The following AGMO variants were observed in gnomAD, a reference collection of about 807,000 sequenced individuals.
The protein encoded by AGMO is alkylglycerol monooxygenase, also known as glyceryl-ether monooxygenase.
In AGMO, 75 loss-of-function variants were observed where a neutral mutation model predicts 60.2. The ratio of observed to expected loss-of-function variants is 1.25; its 90% CI spans 1.03 to 1.51. The LOEUF (loss-of-function observed/expected upper bound fraction) is 1.51. Among genes scored for constraint, AGMO ranks in the 40% most tolerant of loss-of-function variants. The pLI is 0.00. For missense variants in AGMO, 763 were observed against 525.5 expected (o/e 1.45, Z -4.42); for synonymous variants, 261 against 177.1 (o/e 1.47, Z -3.76).
At chr7:15,241,317 G>A (rs539696975) in intron 12 of AGMO, among the ~76,000 whole-genome samples, 2,597 of 151,144 alleles carry the variant, frequency 0.017, 84 homozygotes, top group African/African-American at 0.06. Context: ...AAAATTAGCC[G>A]GGCGTGGTGG....
chr7:15,534,689 G>A (rs894071264), intron 3 of AGMO, among the ~76,000 whole-genome samples: 17 of 151,510 alleles, frequency 1.1e-4, no homozygotes, highest in Admixed American at 3.3e-4. Context: ...CCTAGCTTTG[G>A]ATTATGTTAT....
intron 3 of AGMO, among the ~76,000 whole-genome samples, chr7:15,462,936 CA>C (rs1562519953): frequency 1.3e-5 from 2 of 152,138 alleles, no homozygotes; most frequent in African/African-American, 2.4e-5. Flanking sequence ...ATAAGCTACA[CA>C]ACGTCAGGTT....
At chr7:15,279,037 A>G (rs1011025506) in intron 12 of AGMO, among the ~76,000 whole-genome samples, 5 of 152,134 alleles carry the variant, frequency 3.3e-5, no homozygotes, top group African/African-American at 9.7e-5. Flanking sequence ...GAGAAGTGGC[A>G]GCTGGTGCTA....
intron 3 of AGMO, among the ~76,000 whole-genome samples, chr7:15,475,357 A>G (rs1373055144): frequency 6.6e-6 from 1 of 152,146 alleles, no homozygotes; most frequent in East Asian, 1.9e-4. Flanking sequence ...AATACTATGT[A>G]GCCACAAAAA....
At chr7:15,427,198 T>A (rs1179669206) in intron 4 of AGMO, among the ~76,000 whole-genome samples, 1 of 152,240 alleles carries the variant, frequency 6.6e-6, no homozygotes, top group Non-Finnish European at 1.5e-5. Flanking sequence ...CTCATTCTAA[T>A]ATTTTTTCTA....
chr7:15,249,809 C>T (rs1024289618), intron 12 of AGMO, among the ~76,000 whole-genome samples: 1 of 152,282 alleles, frequency 6.6e-6, no homozygotes, highest in Non-Finnish European at 1.5e-5. Context: ...TCTCAAAATA[C>T]TTTCCCCAGA....
intron 6 of AGMO, among the ~76,000 whole-genome samples, chr7:15,393,804 TAA>T (rs1784250045): frequency 6.6e-6 from 1 of 152,172 alleles, no homozygotes. Flanking sequence ...CAGAATCCTT[TAA>T]AACATAAAAT....
intron 4 of AGMO, among the ~76,000 whole-genome samples, chr7:15,424,259 T>G (rs1780999808): frequency 6.6e-6 from 1 of 152,180 alleles, no homozygotes. Flanking sequence ...CAAGCTCACT[T>G]CTTACTTATC....
intron 3 of AGMO, among the ~76,000 whole-genome samples, chr7:15,521,130 C>A (rs1377369779): frequency 3.3e-5 from 5 of 152,130 alleles, no homozygotes; most frequent in African/African-American, 4.8e-5. Context: ...CATACACCCT[C>A]CCAAGACTAA....
intron 3 of AGMO, among the ~76,000 whole-genome samples, chr7:15,494,944 A>T (rs926452900): frequency 6.6e-6 from 1 of 152,228 alleles, no homozygotes; most frequent in South Asian, 2.1e-4. Flanking sequence ...AAGAAGAAAG[A>T]CATTTTTACA....
chr7:15,524,904 G>C (rs980325697), intron 3 of AGMO, among the ~76,000 whole-genome samples: 8 of 150,404 alleles, frequency 5.3e-5, no homozygotes, highest in African/African-American at 1.9e-4. Context: ...GTATGTCTTT[G>C]TTTATTTCAC....
chr7:15,171,485 C>A, the AGMO span, among the ~76,000 whole-genome samples: 1 of 152,108 alleles, frequency 6.6e-6, no homozygotes, highest in African/African-American at 2.4e-5. Context: ...TGTGTTTGGT[C>A]TAGATTTGGG....
the AGMO span, among the ~76,000 whole-genome samples, chr7:15,125,368 G>A: frequency 6.6e-6 from 1 of 152,114 alleles, no homozygotes; most frequent in African/African-American, 2.4e-5. Context: ...GTGGCTAGAA[G>A]TGCAGTGGAG....
At chr7:15,138,897 A>C in the AGMO span, among the ~76,000 whole-genome samples, 1 of 152,190 alleles carries the variant, frequency 6.6e-6, no homozygotes, top group African/African-American at 2.4e-5. Flanking sequence ...GTAGTGTTTG[A>C]CACATCATAA....
chr7:15,305,052 T>C (rs1252565770), intron 12 of AGMO, among the ~76,000 whole-genome samples: 3 of 151,926 alleles, frequency 2.0e-5, no homozygotes, highest in Non-Finnish European at 2.9e-5. Context: ...TATATAGTTA[T>C]ATTTGAAATA....
chr7:15,162,518 AC>A, the AGMO span, among the ~76,000 whole-genome samples: 1 of 151,868 alleles, frequency 6.6e-6, no homozygotes, highest in African/African-American at 2.4e-5. Flanking sequence ...CATGGTGGAA[AC>A]CCAGCTCTAC....
intron 12 of AGMO, among the ~76,000 whole-genome samples, chr7:15,208,407 T>C (rs1781493529): frequency 6.6e-6 from 1 of 152,224 alleles, no homozygotes; most frequent in South Asian, 2.1e-4. Flanking sequence ...GTGCTCACCA[T>C]GGAACCTCAT....
rs551719688 is a variant in AGMO, at chr7:15,523,815, C to T, written c.409+20957G>A. Among the ~76,000 whole-genome samples the T allele has an allele frequency of 4.0e-5, 6 of 151,846 alleles. No individual in the cohort carries two copies. The South Asian group carries it at 8.3e-4, about 21-fold the overall frequency. On this transcript the variant is annotated intron_variant, in intron 3 of 12. Coordinates refer to ENST00000342526, the MANE Select transcript of AGMO (RefSeq NM_001004320.2). Reference sequence around the variant, plus strand: ...ACACCTGCTCATTCTGCACATGTATCCCAGAACTTAAGTATAATAATAATA... The same window carrying T: ...ACACCTGCTCATTCTGCACATGTATTCCAGAACTTAAGTATAATAATAATA...
chr7:15,324,002 T>C (rs559421281), intron 12 of AGMO, among the ~76,000 whole-genome samples: 25 of 152,340 alleles, frequency 1.6e-4, no homozygotes, highest in Admixed American at 5.9e-4. Context: ...TTTAAAACTG[T>C]AATTTGTATT....
Sources: gnomAD v4.1 joint callset for allele counts (sites outside exome capture counted in the v4.1 genomes callset) on GRCh38, gnomAD v4.1.1 for gene constraint, MANE v1.5 for transcripts, NCBI Gene and HGNC (gene_info 2026-07-23, HGNC 2026-07-21) for gene names.